Variants in CCDC150 observed in about 807,000 individuals in gnomAD.
CCDC150 encodes the protein coiled-coil domain-containing protein 150.
CCDC150 carries 151 observed loss-of-function variants against 156.5 expected under a neutral mutation model. The ratio of observed to expected loss-of-function variants is 0.97; its 90% CI spans 0.85 to 1.10. The LOEUF (loss-of-function observed/expected upper bound fraction) is 1.10. Ranked by LOEUF, CCDC150 falls within the 50% of genes least tolerant of loss-of-function variation. The probability of loss-of-function intolerance (pLI) is 0.00; values close to 1 mark genes in which losing one functional copy is unlikely to be tolerated. For missense variants in CCDC150, 1,312 were observed against 1,268.1 expected, an observed-to-expected ratio of 1.03 and a Z score of -0.53; for synonymous variants, 452 against 429.4, an observed-to-expected ratio of 1.05 and a Z score of -0.65.
At chr2:196,683,454 A>G (rs1694958873) in intron 13 of CCDC150, among the ~76,000 whole-genome samples, 1 of 152,004 alleles carries the variant, frequency 6.6e-6, no homozygotes, top group Non-Finnish European at 1.5e-5. Flanking sequence ...TTCATAAGGG[A>G]TACTGTTCTG....
chr2:196,701,160 T>C lies in CCDC150; in HGVS notation c.1675T>C (p.Tyr559His). The C allele has an allele frequency of 6.2e-7, 1 of 1,605,458 alleles. No individual in the cohort carries two copies. The highest frequency in any genetic ancestry group is 8.5e-7 in the Non-Finnish European group (1 of 1,175,478). The change falls in exon 15 of 28, where the codon TAT (tyrosine) becomes CAT (histidine). Residue 559 changes from tyrosine to histidine, a missense_variant. Transcript: ENST00000389175. ...CACTGAAAGTAAAAATAAACTGGCC[T>C]ATGAAAACGGAAAACTCCAGGTATG... Reference protein sequence around the residue: ...KITESKNKLAYENGKLQIKVK... With the variant: ...KITESKNKLAHENGKLQIKVK...
intron 13 of CCDC150, among the ~76,000 whole-genome samples, chr2:196,685,170 A>G (rs1695051840): frequency 6.6e-6 from 1 of 152,042 alleles, no homozygotes; most frequent in Admixed American, 6.5e-5. Context: ...CTAGTTCACC[A>G]TTTTAACTCC....
At position 196,672,430 on chromosome 2, in the gene CCDC150, A is replaced by G; in HGVS notation, c.1022A>G (p.Lys341Arg). 6.7e-7 allele frequency: 1 copy of G among 1,495,232 alleles called. No individual in the cohort carries two copies. The highest frequency in any genetic ancestry group is 1.4e-5 in the South Asian group (1 of 73,170). The allele number at this position is 1,495,232 out of a possible 1,614,324, so 92.6% of individuals were successfully genotyped here. Residue 341 changes from lysine (K) to arginine (R), a missense_variant, in exon 9 of 28, where the codon AAA (lysine) becomes AGA (arginine). Transcript: ENST00000389175. Reference protein sequence around the residue: ...EIMSLHEASEKAQVLNDQLTK... With the variant: ...EIMSLHEASERAQVLNDQLTK... Reference sequence around the variant, plus strand: ...ATGTCTCTTCATGAAGCATCAGAAAAAGCACAAGTAAATGCTCATGATTTT... The same window carrying G: ...ATGTCTCTTCATGAAGCATCAGAAAGAGCACAAGTAAATGCTCATGATTTT...
rs1575813318 is a variant in CCDC150, at chr2:196,677,050, C to T, written c.1441-243C>T. The T allele has an allele frequency of 2.8e-5, 19 of 684,554 alleles. No homozygotes were observed. In the East Asian group the frequency reaches 5.3e-4, roughly 19 times the overall value. 42.4% of individuals were successfully genotyped at this position (684,554 alleles called of 1,614,324 possible). A position where few individuals can be genotyped will look rare whatever the true frequency, so the allele number is the denominator to read the frequency against. ...ACAGCGAAGGTTAAGGGGGAACAGC[C>T]CTGTCTTCCTACTTAGGAAGGAACC... is the stretch of plus-strand genomic sequence containing the variant. On this transcript the variant is annotated intron_variant, in intron 12 of 27. Coordinates refer to ENST00000389175, the MANE Select transcript of CCDC150 (RefSeq NM_001080539.2).
chr2:196,709,039 A>G (rs1180938895), intron 15 of CCDC150, among the ~76,000 whole-genome samples: 2 of 152,090 alleles, frequency 1.3e-5, no homozygotes, highest in African/African-American at 4.8e-5. Context: ...CCTGAATTTG[A>G]ATGTTGTCCT....
At chr2:196,694,993 T>C in intron 13 of CCDC150, 53 bp from the exon 14 acceptor site, 1 of 905,340 alleles carries the variant, frequency 1.1e-6, no homozygotes. Context: ...AATAAGATAA[T>C]ACTTTTTGCA....
chr2:196,702,235 T>TGA (rs1696260115), intron 15 of CCDC150, among the ~76,000 whole-genome samples: 1 of 151,816 alleles, frequency 6.6e-6, no homozygotes, highest in South Asian at 2.1e-4. Flanking sequence ...GGTGATAGAG[T>TGA]GAGACCCTGT....
rs1489290850 is a variant in CCDC150, at chr2:196,651,770, A to G, written c.177-4863A>G. ...GTTAGTCCATTGTGCATTGCTATAAAGGAATACTTGAGACTGGGTAATTTA... is the reference window on the plus strand; with the variant it reads ...GTTAGTCCATTGTGCATTGCTATAAGGGAATACTTGAGACTGGGTAATTTA... On this transcript the variant is annotated intron_variant, in intron 2 of 27. Coordinates refer to ENST00000389175, the MANE Select transcript of CCDC150 (RefSeq NM_001080539.2). Among the ~76,000 whole-genome samples the G allele has an allele frequency of 2.6e-5, 4 of 152,202 alleles. No individual in the cohort carries two copies. The East Asian group carries it at 7.7e-4, about 29-fold the overall frequency.
rs1368447593 is a variant in CCDC150 at position 196,721,540 on chromosome 2, G to C, written c.2278G>C (p.Ala760Pro). The C allele has an allele frequency of 1.9e-6, 3 of 1,603,830 alleles. No homozygotes were observed. The highest frequency in any genetic ancestry group is 2.2e-5 in the East Asian group (1 of 44,654). ...HNSEIESLQK[A>P]LGVAREDNRK... ...CTTTCAGATTGAATCTCTACAAAAA[G>C]CTCTAGGTGTAGCTAGAGAAGACAA... The change falls in exon 21 of 28, where the codon GCT (alanine) becomes CCT (proline). Residue 760 changes from alanine (A) to proline (P), a missense_variant. Physicochemically the swap from Ala to Pro is conservative, Grantham distance 27. Transcript: ENST00000389175.
chr2:196,726,877 T>C (rs1404504025), intron 22 of CCDC150: 1 of 152,238 alleles, frequency 6.6e-6, no homozygotes, highest in Non-Finnish European at 1.5e-5. Flanking sequence ...TGTGTGCTCT[T>C]AGGTAGAAAC....
intron 19 of CCDC150, 82 bp downstream of exon 19, chr2:196,719,748 T>G: frequency 4.1e-6 from 4 of 972,634 alleles, no homozygotes; most frequent in East Asian, 3.1e-5. Context: ...TGAAGTCACT[T>G]TATGTAGCTT....
At chr2:196,661,397 TC>T (rs1249757680) in intron 5 of CCDC150, among the ~76,000 whole-genome samples, 1 of 152,310 alleles carries the variant, frequency 6.6e-6, no homozygotes. Context: ...TCTAACTGGG[TC>T]CTCACATGCT....
chr2:196,685,883 G>A (rs1695098424), intron 13 of CCDC150, among the ~76,000 whole-genome samples: 1 of 151,862 alleles, frequency 6.6e-6, no homozygotes, highest in South Asian at 2.1e-4. Flanking sequence ...CAAAGTGCTG[G>A]GATTATAGGT....
chr2:196,671,392 T>A (rs1474620497), intron 8 of CCDC150, among the ~76,000 whole-genome samples: 2 of 151,640 alleles, frequency 1.3e-5, no homozygotes, highest in Admixed American at 6.6e-5. Flanking sequence ...TGTCTTTTCA[T>A]GGCTTGATAG....
At chr2:196,718,395 G>A in intron 17 of CCDC150, 108 bp from the exon 18 acceptor site, 2 of 811,366 alleles carry the variant, frequency 2.5e-6, no homozygotes, top group Non-Finnish European at 3.7e-6. Flanking sequence ...TCTATTTATA[G>A]TAGTGAATAA....
rs114259696 is a variant in CCDC150, at chr2:196,642,895, A to G, written c.12+3117A>G. Among the ~76,000 whole-genome samples the G allele has an allele frequency of 2.2e-3, 341 of 152,284 alleles. 1 individual carries two copies. The highest frequency in any genetic ancestry group is 7.8e-3 in the African/African-American group (323 of 41,550). On this transcript the variant is annotated intron_variant, in intron 1 of 27. Coordinates refer to ENST00000389175, the MANE Select transcript of CCDC150 (RefSeq NM_001080539.2). ...GCTAGGGCTACAGGCACAGGCCACC[A>G]TGCCCAGCTCATTTTTAAAAATTTT...
intron 13 of CCDC150, among the ~76,000 whole-genome samples, chr2:196,688,425 T>G (rs1385597581): frequency 6.6e-6 from 1 of 152,238 alleles, no homozygotes; most frequent in Non-Finnish European, 1.5e-5. Flanking sequence ...ATGGGAATGC[T>G]AACGATCTTT....
Position 196,646,473 on chromosome 2 carries a change from G to A in CCDC150, c.145G>A (p.Asp49Asn). ...VEEQTSSLRD[D>N]LIMLDFGEKR... ...GGAACAGACCAGTTCACTGAGGGAT[G>A]ACCTAATAATGTTGGATTTTGGTGA... is the stretch of plus-strand genomic sequence containing the variant. Residue 49 changes from aspartate to asparagine, a missense_variant, in exon 2 of 28, where the codon GAC (aspartate) becomes AAC (asparagine). Transcript: ENST00000389175. The A allele has an allele frequency of 6.2e-7, 1 of 1,613,708 alleles. No homozygotes were observed. Among genetic ancestry groups the A allele is most frequent in the Non-Finnish European group, 8.5e-7 (1 of 1,179,704 alleles).
chr2:196,699,319 C>T (rs886085008), intron 14 of CCDC150, among the ~76,000 whole-genome samples: 3 of 152,124 alleles, frequency 2.0e-5, no homozygotes, highest in Non-Finnish European at 4.4e-5. Flanking sequence ...TTAATTCTGA[C>T]AGGACAAATA....
Sources: allele counts gnomAD v4.1 joint callset (sites outside exome capture counted in the v4.1 genomes callset), GRCh38; gene constraint gnomAD v4.1.1; transcripts MANE v1.5; gene names NCBI Gene and HGNC (gene_info 2026-07-23, HGNC 2026-07-21).